GLIS3: variants seen among roughly 807,000 people sequenced by gnomAD.
GLIS3 encodes GLIS family zinc finger 3.
A neutral mutation model predicts 78.6 loss-of-function variants in GLIS3; 53 were observed. The ratio of observed to expected loss-of-function variants is 0.67; its 90% CI spans 0.54 to 0.85. The LOEUF is 0.85. Ranked by LOEUF, GLIS3 falls within the 40% of genes least tolerant of loss-of-function variation. GLIS3 has a pLI of 0.00. For synonymous variants in GLIS3, 684 were observed against 509.9 expected (o/e 1.34, Z -4.60); for missense variants, 1,703 against 1,231.1 (o/e 1.38, Z -5.74).
intron 7 of GLIS3, among the ~76,000 whole-genome samples, chr9:3,890,133 G>C (rs10758529): frequency 0.49 from 74,719 of 151,966 alleles, 19,221 homozygotes; most frequent in Admixed American, 0.6. Context: ...CATTGGCCGA[G>C]GCCATCAATC....
intron 8 of GLIS3, among the ~76,000 whole-genome samples, chr9:3,876,209 A>T (rs1588134984): frequency 6.6e-6 from 1 of 152,326 alleles, no homozygotes; most frequent in East Asian, 1.9e-4. Flanking sequence ...ACCCTGGAAC[A>T]CTGTGTAAAA....
At chr9:4,121,090 A>G (rs954589761) in intron 3 of GLIS3, among the ~76,000 whole-genome samples, 17 of 152,356 alleles carry the variant, frequency 1.1e-4, no homozygotes, top group African/African-American at 4.1e-4. Context: ...TTAAAGTATT[A>G]ATATGAACAG....
rs375365872 is a variant in GLIS3, at chr9:3,914,389, A to C, written c.1984-15554T>G. 1.8e-3 allele frequency among the ~76,000 whole-genome samples: 272 copies of C among 148,508 alleles called. 5 individuals carry two copies. The South Asian group carries it at 0.024, about 13-fold the overall frequency. ...ACTATGTTGCTGAGGCTGCTCTTGA[A>C]CTCCTGGGCTCAAGTGATCCTCTGG... On this transcript the variant is annotated intron_variant, in intron 6 of 10. Transcript: ENST00000381971.
At chr9:4,223,285 C>T (rs1390123608) in intron 2 of GLIS3, among the ~76,000 whole-genome samples, 1 of 152,226 alleles carries the variant, frequency 6.6e-6, no homozygotes, top group Non-Finnish European at 1.5e-5. Flanking sequence ...ACCACTTCTA[C>T]TGTGTCACTT....
chr9:3,973,683 G>T (rs564423480), intron 4 of GLIS3, among the ~76,000 whole-genome samples: 1 of 151,976 alleles, frequency 6.6e-6, no homozygotes, highest in African/African-American at 2.4e-5. Context: ...TTTTAAATAA[G>T]CAGCAAATTA....
At chr9:4,198,727 T>A (rs1311944789) in intron 2 of GLIS3, among the ~76,000 whole-genome samples, 2 of 152,036 alleles carry the variant, frequency 1.3e-5, no homozygotes, top group African/African-American at 2.4e-5. Context: ...TATGAGATGC[T>A]ACACAAAATG....
Position 3,828,381 on chromosome 9 carries a change from C to G in GLIS3, c.2684G>C (p.Ser895Thr). 6.2e-7 allele frequency: 1 copy of G among 1,613,540 alleles called. No individual in the cohort carries two copies. The highest frequency in any genetic ancestry group is 8.5e-7 in the Non-Finnish European group (1 of 1,180,024). ...TVYDLPSSSS[S>T]LFGESLRSGA... ...GCTGCGGAGAGACTCCCCAAAGAGGCTCGAGGAACTTGAAGGTAAATCATA... is the reference window on the plus strand; with the variant it reads ...GCTGCGGAGAGACTCCCCAAAGAGGGTCGAGGAACTTGAAGGTAAATCATA... Residue 895 changes from serine to threonine, a missense_variant, in exon 11 of 11, where the codon AGC becomes ACC. Physicochemically the swap from Ser to Thr is moderately conservative, Grantham distance 58 (BLOSUM62 1). Transcript: ENST00000381971.
rs182570742 is a variant in GLIS3, at chr9:4,129,502, G to C, written c.389-3561C>G. On this transcript the variant is annotated intron_variant, in intron 2 of 10. Transcript: ENST00000381971. The stretch of plus-strand genomic sequence containing the variant: ...TCCTTTGGTGCTGTTTTCATGATAA[G>C]TGTTCTCATGTGATCTGGATGTTTC... Among the ~76,000 whole-genome samples the C allele has an allele frequency of 6.1e-3, 923 of 151,558 alleles. 6 individuals are homozygous for C. The highest frequency in any genetic ancestry group is 0.029 in the South Asian group (139 of 4,806).
chr9:3,923,602 T>C (rs1360439020), intron 6 of GLIS3, among the ~76,000 whole-genome samples: 2 of 151,656 alleles, frequency 1.3e-5, no homozygotes, highest in Non-Finnish European at 2.9e-5. Flanking sequence ...TTCTCTATAG[T>C]ACAAGGATGT....
At chr9:4,384,806 C>T in the GLIS3 span, among the ~76,000 whole-genome samples, 1 of 152,150 alleles carries the variant, frequency 6.6e-6, no homozygotes, top group Non-Finnish European at 1.5e-5. Flanking sequence ...CTCCCACCCA[C>T]TCAACCTCCA....
the GLIS3 span, among the ~76,000 whole-genome samples, chr9:4,459,463 T>C: frequency 1.3e-5 from 2 of 152,094 alleles, no homozygotes; most frequent in Non-Finnish European, 2.9e-5. Context: ...AGAAAGCAGA[T>C]GCAGAAAGCA....
intron 4 of GLIS3, among the ~76,000 whole-genome samples, chr9:3,955,976 T>C (rs975232131): frequency 7.6e-5 from 10 of 131,120 alleles, no homozygotes; most frequent in East Asian, 2.2e-4. Flanking sequence ...GACCATACCA[T>C]AGACTGCTCC....
intron 4 of GLIS3, among the ~76,000 whole-genome samples, chr9:4,097,821 A>C (rs981352426): frequency 2.6e-5 from 4 of 152,142 alleles, no homozygotes; most frequent in African/African-American, 9.7e-5. Flanking sequence ...CATCATCCAC[A>C]AAAGCAGTGG....
chr9:4,232,897 G>T (rs189864052), intron 2 of GLIS3, among the ~76,000 whole-genome samples: 28 of 152,300 alleles, frequency 1.8e-4, no homozygotes, highest in African/African-American at 6.7e-4. Flanking sequence ...AGAGCAGACT[G>T]TTAATCTTAT....
the GLIS3 span, among the ~76,000 whole-genome samples, chr9:4,469,917 C>A: frequency 6.6e-6 from 1 of 151,834 alleles, no homozygotes; most frequent in African/African-American, 2.4e-5. Context: ...AGAGAAAAAT[C>A]AAATAGAGGC....
At chr9:4,460,062 G>C in the GLIS3 span, among the ~76,000 whole-genome samples, 1 of 152,112 alleles carries the variant, frequency 6.6e-6, no homozygotes, top group African/African-American at 2.4e-5. Context: ...AAATCCTAGA[G>C]ACAGATCTTG....
At chr9:3,953,387 C>T (rs895978418) in intron 4 of GLIS3, among the ~76,000 whole-genome samples, 2 of 152,132 alleles carry the variant, frequency 1.3e-5, no homozygotes, top group African/African-American at 2.4e-5. Flanking sequence ...CAATATTGTA[C>T]AGATCATTCC....
In GLIS3 at chr9:4,206,166, C is replaced by A. The variant is rs149357905; in HGVS notation, c.388+79872G>T. Among the ~76,000 whole-genome samples the A allele has an allele frequency of 6.6e-4, 101 of 152,206 alleles. 1 individual carries two copies. The highest frequency in any genetic ancestry group is 1.0e-3 in the Admixed American group (16 of 15,290). ...TCACTAGATCTAAGAAAATCTATAACAGAACTATCTGGAAAGGGAATCTTA... is the reference window on the plus strand; with the variant it reads ...TCACTAGATCTAAGAAAATCTATAAAAGAACTATCTGGAAAGGGAATCTTA... On this transcript the variant is annotated intron_variant, in intron 2 of 10. Coordinates refer to ENST00000381971, the MANE Select transcript of GLIS3 (RefSeq NM_001042413.2).
rs545840782 is a variant in GLIS3 at position 4,253,609 on chromosome 9, G to T, written c.388+32429C>A. Reference sequence around the variant, plus strand: ...CCTGGCTTCAGCCCCCTTTCCAGGTGAGTGAACGATTCTGTCTCGCTAGCG... The same window carrying T: ...CCTGGCTTCAGCCCCCTTTCCAGGTTAGTGAACGATTCTGTCTCGCTAGCG... On this transcript the variant is annotated intron_variant, in intron 2 of 10. Transcript: ENST00000381971. Among the ~76,000 whole-genome samples, 5 of 152,292 alleles carry T rather than the reference G, an allele frequency of 3.3e-5. No homozygotes were observed. The East Asian group carries it at 5.8e-4, about 18-fold the overall frequency.
Sources: gnomAD v4.1 joint callset for allele counts (sites outside exome capture counted in the v4.1 genomes callset) on GRCh38, gnomAD v4.1.1 for gene constraint, MANE v1.5 for transcripts, NCBI Gene and HGNC (gene_info 2026-07-23, HGNC 2026-07-21) for gene names.